Variants in SEPTIN10 observed in about 807,000 individuals in gnomAD.
SEPTIN10 encodes the protein septin 10.
In SEPTIN10, 66 loss-of-function variants were observed where a neutral mutation model predicts 54.8. The ratio of observed to expected loss-of-function variants is 1.21; its 90% confidence interval spans 0.99 to 1.48. The LOEUF (loss-of-function observed/expected upper bound fraction) is 1.48, where lower values mean the gene tolerates loss of function less well. Ranked by LOEUF, SEPTIN10 falls within the 40% of genes most tolerant of loss-of-function variation. SEPTIN10 has a pLI of 0.00. For synonymous variants in SEPTIN10, 161 were observed against 181.0 expected, an observed-to-expected ratio of 0.89 and a Z score of 0.89; for missense variants, 620 against 545.6, an observed-to-expected ratio of 1.14 and a Z score of -1.36.
At chr2:109,569,010 C>G (rs1201303106) in intron 5 of SEPTIN10, among the ~76,000 whole-genome samples, 1 of 152,226 alleles carries the variant, frequency 6.6e-6, no homozygotes, top group East Asian at 1.9e-4. Context: ...CCACAAAAGA[C>G]TGATAGCTCC....
At chr2:109,593,409 C>CT (rs766138431) in intron 1 of SEPTIN10, among the ~76,000 whole-genome samples, 79 of 133,724 alleles carry the variant, frequency 5.9e-4, no homozygotes, top group Middle Eastern at 3.9e-3. Context: ...AGAGAAAGAA[C>CT]TTTTTTTTTT....
rs1201009037 is a variant in SEPTIN10, at chr2:109,613,666, C to CTGGG, written c.30+128_30+131dup. 29 of 591,428 alleles carry CTGGG rather than the reference C, an allele frequency of 4.9e-5. No homozygotes were observed. The East Asian group carries it at 1.2e-3, about 25-fold the overall frequency. The allele number at this position is 591,428 out of a possible 1,614,324, so 36.6% of individuals were successfully genotyped here. On this transcript the variant is annotated intron_variant, in intron 1 of 10. Coordinates refer to ENST00000397712, the MANE Select transcript of SEPTIN10 (RefSeq NM_144710.5). ...CGGCCGCCGCGGAAGCCGGGGAGCA[C>CTGGG]TGGGCGGGCGGGGCCGGAGGGGGCG...
At chr2:109,611,939 A>G (rs766407327) in intron 1 of SEPTIN10, among the ~76,000 whole-genome samples, 11 of 152,214 alleles carry the variant, frequency 7.2e-5, no homozygotes, top group Admixed American at 1.3e-4. Context: ...TACAAAACTA[A>G]GCATGCAACT....
intron 8 of SEPTIN10, among the ~76,000 whole-genome samples, chr2:109,560,038 A>G (rs1470546650): frequency 6.7e-6 from 1 of 149,178 alleles, no homozygotes; most frequent in Non-Finnish European, 1.5e-5. Flanking sequence ...CTCCTGCCTC[A>G]GCCTCCCAAG....
chr2:109,569,466 A>G (rs1687859873), intron 5 of SEPTIN10, among the ~76,000 whole-genome samples: 1 of 151,174 alleles, frequency 6.6e-6, no homozygotes, highest in African/African-American at 2.4e-5. Flanking sequence ...GGAAAAAATT[A>G]TAATTCCTAT....
At chr2:109,589,338 A>G (rs1693403656) in intron 2 of SEPTIN10, among the ~76,000 whole-genome samples, 1 of 151,776 alleles carries the variant, frequency 6.6e-6, no homozygotes, top group Non-Finnish European at 1.5e-5. Context: ...TTTGAAACCA[A>G]CCTGGCCAGC....
At chr2:109,576,351 G>A (rs1689677661) in intron 4 of SEPTIN10, among the ~76,000 whole-genome samples, 1 of 151,818 alleles carries the variant, frequency 6.6e-6, no homozygotes. Flanking sequence ...ATCCTGCCTT[G>A]GCCTCCCAAA....
At chr2:109,583,242 G>C (rs990806746) in intron 4 of SEPTIN10, among the ~76,000 whole-genome samples, 3 of 152,038 alleles carry the variant, frequency 2.0e-5, no homozygotes, top group Admixed American at 6.6e-5. Flanking sequence ...CTACAGAATG[G>C]GAGAAAATTT....
chr2:109,582,212 C>T (rs1691355095), intron 4 of SEPTIN10, among the ~76,000 whole-genome samples: 1 of 152,080 alleles, frequency 6.6e-6, no homozygotes, highest in Non-Finnish European at 1.5e-5. Flanking sequence ...TCACAGATGA[C>T]ACCGACAAAC....
At chr2:109,607,969 T>C (rs973239537) in intron 1 of SEPTIN10, among the ~76,000 whole-genome samples, 1 of 152,190 alleles carries the variant, frequency 6.6e-6, no homozygotes, top group Non-Finnish European at 1.5e-5. Flanking sequence ...ATGCTGGAGA[T>C]GGGGAAAAGT....
chr2:109,574,432 G>A (rs1290414833), intron 5 of SEPTIN10, 149 bp downstream of exon 5: 2 of 424,856 alleles, frequency 4.7e-6, no homozygotes, highest in Non-Finnish European at 6.9e-6. Context: ...GTGACAGAGT[G>A]ACTTTATCTC....
At chr2:109,545,345 CTT>C (rs1680907100) in intron 10 of SEPTIN10, 2 of 1,494,652 alleles carry the variant, frequency 1.3e-6, no homozygotes, top group Non-Finnish European at 1.8e-6. Context: ...GAAAAATAAA[CTT>C]ATTTTCTAAA....
chr2:109,549,215 G>A (rs1001500273), intron 9 of SEPTIN10, among the ~76,000 whole-genome samples: 1 of 152,224 alleles, frequency 6.6e-6, no homozygotes, highest in African/African-American at 2.4e-5. Context: ...AGAGGAGCAG[G>A]AGTGGGACAA....
intron 8 of SEPTIN10, among the ~76,000 whole-genome samples, chr2:109,556,934 C>T (rs950221869): frequency 1.3e-5 from 2 of 152,046 alleles, no homozygotes; most frequent in African/African-American, 4.8e-5. Flanking sequence ...AAAAACCAAA[C>T]ATGGCATGTT....
At chr2:109,613,720 G>A in intron 1 of SEPTIN10, 78 bp downstream of exon 1, 1 of 971,250 alleles carries the variant, frequency 1.0e-6, no homozygotes. Context: ...CGGACCAGGG[G>A]GCCGGTGGGT....
chr2:109,545,654 A>C (rs747515567), intron 10 of SEPTIN10: 13 of 1,493,994 alleles, frequency 8.7e-6, no homozygotes, highest in Non-Finnish European at 1.2e-5. Context: ...ATTCCCCAAC[A>C]AAGGGCACAG....
intron 1 of SEPTIN10, among the ~76,000 whole-genome samples, chr2:109,603,496 C>T (rs1697138020): frequency 6.6e-6 from 1 of 152,090 alleles, no homozygotes; most frequent in African/African-American, 2.4e-5. Flanking sequence ...GCCTCAGCCT[C>T]CCAAAGAGCT....
chr2:109,567,852 T>C lies in SEPTIN10; in HGVS notation c.725A>G (p.Asp242Gly). ...GTTGACCTTAGCAATAGTGTCATCA[T>C]CCGTTGGGAACTGGTATATCTGGAC... is the stretch of plus-strand genomic sequence containing the variant. ...NGVQIYQFPT[D>G]DDTIAKVNAA... is the part of the protein sequence containing the mutation. Residue 242 changes from aspartate to glycine, a missense_variant, in exon 6 of 11, where the codon GAT (aspartate) becomes GGT (glycine). Physicochemically the swap from Asp to Gly is moderately conservative, Grantham distance 94. Transcript: ENST00000397712. 6.2e-7 allele frequency: 1 copy of C among 1,612,150 alleles called. No individual in the cohort carries two copies. Among genetic ancestry groups the C allele is most frequent in the Non-Finnish European group, 8.5e-7 (1 of 1,179,346 alleles).
At chr2:109,613,735 G>A (rs1699826120) in intron 1 of SEPTIN10, 63 bp downstream of exon 1, 2 of 1,100,186 alleles carry the variant, frequency 1.8e-6, no homozygotes, top group African/African-American at 1.6e-5. Context: ...GTGGGTCGAG[G>A]GCGGGAAGTC....
Sources: allele counts gnomAD v4.1 joint callset (sites outside exome capture counted in the v4.1 genomes callset), GRCh38; gene constraint gnomAD v4.1.1; transcripts MANE v1.5; gene names NCBI Gene and HGNC (gene_info 2026-07-23, HGNC 2026-07-21).